Variants in CLTRN observed in about 807,000 individuals in gnomAD.
CLTRN encodes the protein collectrin, amino acid transport regulator.
Under a neutral mutation model 14.5 loss-of-function variants are expected in CLTRN, and 12 were observed. The observed-to-expected ratio is 0.83, with a 90% CI of 0.53 to 1.34. The LOEUF (loss-of-function observed/expected upper bound fraction) is 1.34, where lower values mean the gene tolerates loss of function less well. CLTRN is among the 40% of genes most tolerant of loss of function. CLTRN has a pLI of 0.00. For synonymous variants in CLTRN, 58 were observed against 56.5 expected (o/e 1.03, Z -0.12); for missense variants, 154 against 165.1 (o/e 0.93, Z 0.37).
intron 5 of CLTRN, among the ~76,000 whole-genome samples, chrX:15,632,661 G>A (rs746881733): frequency 1.5e-4 from 16 of 109,654 alleles, no homozygotes; most frequent in Non-Finnish European, 2.5e-4. Flanking sequence ...GGAGGCTGAG[G>A]TGGGCAGATC....
intron 5 of CLTRN, among the ~76,000 whole-genome samples, chrX:15,631,344 AT>A (rs776432177): frequency 1.5e-4 from 17 of 112,356 alleles, no homozygotes; most frequent in Non-Finnish European, 2.3e-4. Flanking sequence ...TATTACAAAC[AT>A]TTTAGTAAAG....
chrX:15,628,216 A>T (rs1171193131), intron 5 of CLTRN, 89 bp from the exon 6 acceptor site: 1 of 648,258 alleles, frequency 1.5e-6, no homozygotes, highest in East Asian at 4.0e-5. Flanking sequence ...GGAGAACAGG[A>T]AGGGGAATAG....
chrX:15,629,433 T>C (rs6653980), intron 5 of CLTRN, among the ~76,000 whole-genome samples: 2,876 of 111,308 alleles, frequency 0.026, 78 homozygotes, highest in African/African-American at 0.088. Flanking sequence ...AAAAAAATTT[T>C]TTTTAAATCA....
At chrX:15,639,985 C>T (rs997518940) in intron 4 of CLTRN, among the ~76,000 whole-genome samples, 1 of 112,025 alleles carries the variant, frequency 8.9e-6, no homozygotes, top group Non-Finnish European at 1.9e-5. Context: ...ACTGCTGCCC[C>T]CATTGTTGTG....
intron 3 of CLTRN, among the ~76,000 whole-genome samples, chrX:15,655,727 C>T (rs1213332475): frequency 8.9e-6 from 1 of 111,923 alleles, no homozygotes; most frequent in Non-Finnish European, 1.9e-5. Flanking sequence ...TGGCTAGGGA[C>T]ACCATCATAT....
At chrX:15,630,679 G>A (rs1277398214) in intron 5 of CLTRN, among the ~76,000 whole-genome samples, 1 of 111,992 alleles carries the variant, frequency 8.9e-6, no homozygotes, top group Non-Finnish European at 1.9e-5. Flanking sequence ...CCAATGCTGG[G>A]TTGAAAGTCA....
chrX:15,637,751 C>T (rs946965978), intron 5 of CLTRN, among the ~76,000 whole-genome samples: 1 of 112,258 alleles, frequency 8.9e-6, no homozygotes, highest in African/African-American at 3.2e-5. Flanking sequence ...CCAGATACCA[C>T]TCTAAGCACT....
At chrX:15,631,018 G>A (rs769249846) in intron 5 of CLTRN, among the ~76,000 whole-genome samples, 5 of 111,921 alleles carry the variant, frequency 4.5e-5, no homozygotes, top group South Asian at 3.7e-4. Flanking sequence ...CATTTTGAGC[G>A]TCTACTATGT....
intron 3 of CLTRN, among the ~76,000 whole-genome samples, chrX:15,657,259 C>G (rs1358527771): frequency 1.8e-5 from 2 of 112,397 alleles, no homozygotes; most frequent in Non-Finnish European, 3.8e-5. Flanking sequence ...CTCGGCCTCC[C>G]AAAGTTTTGG....
chrX:15,661,243 A>G (rs1193029063), intron 2 of CLTRN, among the ~76,000 whole-genome samples: 1 of 112,259 alleles, frequency 8.9e-6, no homozygotes, highest in African/African-American at 3.2e-5. Flanking sequence ...AAATGAAAAT[A>G]AAGATGTTAG....
intron 4 of CLTRN, among the ~76,000 whole-genome samples, chrX:15,644,344 G>C (rs1929009403): frequency 9.0e-6 from 1 of 111,292 alleles, no homozygotes; most frequent in Non-Finnish European, 1.9e-5. Context: ...GAACATAATT[G>C]GTTACTGCCC....
chrX:15,655,841 C>G (rs1042932863), intron 3 of CLTRN, among the ~76,000 whole-genome samples: 9 of 112,128 alleles, frequency 8.0e-5, no homozygotes, highest in African/African-American at 2.3e-4. Context: ...TGCCAGTCTC[C>G]TTTCTTAAAG....
At chrX:15,640,832 C>G (rs1353040766) in intron 4 of CLTRN, among the ~76,000 whole-genome samples, 2 of 112,136 alleles carry the variant, frequency 1.8e-5, no homozygotes, top group African/African-American at 6.5e-5. Flanking sequence ...TACCAAGGAG[C>G]TTACGGTCTA....
intron 1 of CLTRN, among the ~76,000 whole-genome samples, chrX:15,672,212 T>C (rs192854829): frequency 9.0e-6 from 1 of 111,729 alleles, no homozygotes; most frequent in Admixed American, 9.5e-5. Context: ...AAAAAAAAAG[T>C]ATGTGTGTCT....
At chrX:15,649,996 A>G (rs1277128829) in intron 3 of CLTRN, among the ~76,000 whole-genome samples, 1 of 105,081 alleles carries the variant, frequency 9.5e-6, no homozygotes, top group African/African-American at 3.5e-5. Context: ...GGGTTTCTCA[A>G]TAGCACCATT....
At chrX:15,629,870 G>A (rs1928650347) in intron 5 of CLTRN, among the ~76,000 whole-genome samples, 1 of 111,998 alleles carries the variant, frequency 8.9e-6, no homozygotes, top group African/African-American at 3.2e-5. Context: ...GTGATACACT[G>A]AGTAGATCAC....
At chrX:15,672,047 T>G (rs1929729787) in intron 1 of CLTRN, among the ~76,000 whole-genome samples, 1 of 112,368 alleles carries the variant, frequency 8.9e-6, no homozygotes, top group Non-Finnish European at 1.9e-5. Context: ...TTATGAACTT[T>G]GTCTTATTCT....
At chrX:15,667,747 C>T (rs1401113632), upstream of CLTRN, among the ~76,000 whole-genome samples, 1 of 111,346 alleles carries the variant, frequency 9.0e-6, no homozygotes, top group African/African-American at 3.3e-5. Context: ...GAGACAGGAT[C>T]TTGCTCTGAT....
chrX:15,668,833 C>A (rs1472855241), upstream of CLTRN, among the ~76,000 whole-genome samples: 1 of 111,559 alleles, frequency 9.0e-6, no homozygotes, highest in Middle Eastern at 4.2e-3. Flanking sequence ...GGTTTTATAC[C>A]TCTTTCTGAA....
Sources: allele counts gnomAD v4.1 joint callset (sites outside exome capture counted in the v4.1 genomes callset), GRCh38; gene constraint gnomAD v4.1.1; transcripts MANE v1.5; gene names NCBI Gene and HGNC (gene_info 2026-07-23, HGNC 2026-07-21).